Variants in USP32 observed in about 807,000 individuals in gnomAD.
The protein encoded by USP32 is ubiquitin carboxyl-terminal hydrolase 32.
Under a neutral mutation model 204.8 loss-of-function variants are expected in USP32, and 59 were observed. That is an observed-to-expected ratio of 0.29 (90% CI 0.23 to 0.36). USP32 has a LOEUF of 0.36. Among genes scored for constraint, USP32 ranks in the 10% least tolerant of loss-of-function variants. The pLI, the probability that USP32 is intolerant of heterozygous loss-of-function variation, is 1.00. For synonymous variants in USP32, 517 were observed against 678.4 expected (o/e 0.76, Z 3.70); for missense variants, 1,160 against 1,946.4 (o/e 0.60, Z 7.60).
In USP32 at chr17:60,264,871, AAAAAAAAAAAAG is replaced by A. The variant is rs1215437889; in HGVS notation, c.990+529_990+540del. Among the ~76,000 whole-genome samples, 6 of 151,252 alleles carry A rather than the reference AAAAAAAAAAAAG, an allele frequency of 4.0e-5. No individual in the cohort carries two copies. The East Asian group carries it at 1.2e-3, about 29-fold the overall frequency. The stretch of plus-strand genomic sequence containing the variant: ...CAAGACTCTGTCAAAAAAAAAAAAA[AAAAAAAAAAAAG>A]AGAGAGAGAATATATGTACTGCCAG... On this transcript the variant is annotated intron_variant, in intron 9 of 33. Transcript: ENST00000300896.
At chr17:60,342,424 C>T (rs1475641097) in intron 2 of USP32, among the ~76,000 whole-genome samples, 1 of 152,242 alleles carries the variant, frequency 6.6e-6, no homozygotes, top group African/African-American at 2.4e-5. Context: ...TCTCAGAGCT[C>T]AAATGCCATG....
At chr17:60,246,363 T>C (rs2086024293) in intron 11 of USP32, among the ~76,000 whole-genome samples, 1 of 152,102 alleles carries the variant, frequency 6.6e-6, no homozygotes, top group Non-Finnish European at 1.5e-5. Flanking sequence ...GCATTCATTT[T>C]ATGGCTGAAT....
At chr17:60,225,617 C>T (rs1275220482) in intron 13 of USP32, among the ~76,000 whole-genome samples, 1 of 152,010 alleles carries the variant, frequency 6.6e-6, no homozygotes, top group Non-Finnish European at 1.5e-5. Context: ...CTCCTATTAC[C>T]ATATTCACTA....
rs1339957333 is a variant in USP32, at chr17:60,319,447, GATAATAAATACGAGT to G, written c.187-17758_187-17744del. On this transcript the variant is annotated intron_variant, in intron 2 of 33. Transcript: ENST00000300896. ...CAGGGACTCAGATTAAGAATATTCAGATAATAAATACGAGTATAATAAACACTTAGATAGAAAGTA... is the reference window on the plus strand; with the variant it reads ...CAGGGACTCAGATTAAGAATATTCAGATAATAAACACTTAGATAGAAAGTA... 8.5e-5 allele frequency among the ~76,000 whole-genome samples: 13 copies of G among 152,122 alleles called. No homozygotes were observed. In the East Asian group the frequency reaches 2.5e-3, roughly 29 times the overall value.
At chr17:60,187,520 T>C (rs2084280235) in intron 29 of USP32, among the ~76,000 whole-genome samples, 1 of 152,246 alleles carries the variant, frequency 6.6e-6, no homozygotes, top group African/African-American at 2.4e-5. Flanking sequence ...GGGTGTATCA[T>C]ATACGGTAGT....
intron 1 of USP32, among the ~76,000 whole-genome samples, chr17:60,365,962 G>A (rs1267402597): frequency 6.6e-6 from 1 of 151,940 alleles, no homozygotes; most frequent in South Asian, 2.1e-4. Flanking sequence ...AGAGGGTCTC[G>A]CTCCCTTTTT....
At chr17:60,265,531 T>C in intron 8 of USP32, 57 bp from the exon 9 acceptor site, 1 of 1,164,128 alleles carries the variant, frequency 8.6e-7, no homozygotes, top group Non-Finnish European at 1.3e-6. Flanking sequence ...TTTAATTTTG[T>C]TATTCAATGG....
chr17:60,270,352 G>A (rs1394272365), intron 6 of USP32, among the ~76,000 whole-genome samples: 1 of 152,144 alleles, frequency 6.6e-6, no homozygotes, highest in African/African-American at 2.4e-5. Flanking sequence ...TATATTCCCA[G>A]AATCTAACGC....
At position 60,183,520 on chromosome 17, in the gene USP32, AAAC is replaced by A. The variant is rs1392039032; in HGVS notation, c.3835-70_3835-68del. The stretch of plus-strand genomic sequence containing the variant: ...TGAAGATACAAAATTTACATGGAAA[AAAC>A]AAGTCAAATACATGTGAATGTTTGG... On this transcript the variant is annotated intron_variant, in intron 30 of 33. Transcript: ENST00000300896. 66 of 1,497,568 alleles carry A rather than the reference AAAC, an allele frequency of 4.4e-5. 1 individual carries two copies. In the East Asian group the frequency reaches 1.4e-3, roughly 32 times the overall value. 92.8% of individuals were successfully genotyped at this position (1,497,568 alleles called of 1,614,324 possible). A position where few individuals can be genotyped will look rare whatever the true frequency, so the allele number is the denominator to read the frequency against.
At chr17:60,287,638 C>T (rs1218571925) in intron 5 of USP32, among the ~76,000 whole-genome samples, 1 of 152,190 alleles carries the variant, frequency 6.6e-6, no homozygotes, top group Non-Finnish European at 1.5e-5. Flanking sequence ...CTATAAACAT[C>T]TTGATTTCAG....
rs528039428 is a variant in USP32, at chr17:60,215,891, G to T, written c.1868-1117C>A. Among the ~76,000 whole-genome samples the T allele has an allele frequency of 6.2e-3, 950 of 152,086 alleles. 2 individuals carry two copies. Among genetic ancestry groups the T allele is most frequent in the Non-Finnish European group, 8.2e-3 (558 of 67,986 alleles). ...ACTTTAGCTTCCCAAGTAGAGACAG[G>T]GTCTCTCTATGTTGCCCAGGCTGGT... On this transcript the variant is annotated intron_variant, in intron 16 of 33. Coordinates refer to ENST00000300896, the MANE Select transcript of USP32 (RefSeq NM_032582.4).
chr17:60,384,557 C>T (rs1166686831), intron 1 of USP32, among the ~76,000 whole-genome samples: 8 of 152,160 alleles, frequency 5.3e-5, no homozygotes, highest in South Asian at 2.1e-4. Flanking sequence ...TTTGGGAGGC[C>T]GAGGCGGGCG....
intron 1 of USP32, among the ~76,000 whole-genome samples, chr17:60,410,904 C>A (rs924823531): frequency 1.3e-5 from 2 of 151,406 alleles, no homozygotes; most frequent in African/African-American, 4.9e-5. Flanking sequence ...CATGGTGAAG[C>A]CCCGTTTCTA....
At chr17:60,211,155 C>T (rs1311769308) in intron 20 of USP32, 37 bp from the exon 21 acceptor site, 3 of 1,601,536 alleles carry the variant, frequency 1.9e-6, no homozygotes, top group South Asian at 1.1e-5. Flanking sequence ...GCCAAAGATT[C>T]TCATAAATCA....
Position 60,278,719 on chromosome 17 carries a change from T to C in USP32, c.572-7238A>G, listed in dbSNP as rs982528123. ...AACAAAAAAAGTATAAAGATAACAG[T>C]TGAACCTGGAATAGCAGGCATTTCA... On this transcript the variant is annotated intron_variant, in intron 5 of 33. Coordinates refer to ENST00000300896, the MANE Select transcript of USP32 (RefSeq NM_032582.4). Among the ~76,000 whole-genome samples the C allele has an allele frequency of 3.3e-5, 5 of 152,188 alleles. No individual in the cohort carries two copies. In the East Asian group the frequency reaches 7.7e-4, roughly 23 times the overall value.
At position 60,294,422 on chromosome 17, in the gene USP32, G is replaced by A. The variant is rs568003859; in HGVS notation, c.411+261C>T. On this transcript the variant is annotated intron_variant, in intron 4 of 33. Coordinates refer to ENST00000300896, the MANE Select transcript of USP32 (RefSeq NM_032582.4). Reference sequence around the variant, plus strand: ...TGTGTGTGTGTGTATTACTGTGTTAGTGTGAGTATATAGAATTGTGTTTCA... The same window carrying A: ...TGTGTGTGTGTGTATTACTGTGTTAATGTGAGTATATAGAATTGTGTTTCA... Among the ~76,000 whole-genome samples the A allele has an allele frequency of 1.9e-4, 28 of 148,726 alleles. No homozygotes were observed. In the South Asian group the frequency reaches 4.8e-3, roughly 25 times the overall value.
chr17:60,250,645 G>A (rs2086142098), intron 11 of USP32, among the ~76,000 whole-genome samples: 1 of 152,146 alleles, frequency 6.6e-6, no homozygotes, highest in Admixed American at 6.5e-5. Flanking sequence ...TTCTGAGTAT[G>A]AATATTTAAA....
At position 60,216,079 on chromosome 17, in the gene USP32, GA is replaced by G. The variant is rs1264143453; in HGVS notation, c.1868-1306del. 3.6e-3 allele frequency among the ~76,000 whole-genome samples: 514 copies of G among 143,620 alleles called. 2 individuals carry two copies. The highest frequency in any genetic ancestry group is 0.01 in the African/African-American group (403 of 39,252). 94.2% of individuals were successfully genotyped at this position (143,620 alleles called of 152,430 possible). On this transcript the variant is annotated intron_variant, in intron 16 of 33. Coordinates refer to ENST00000300896, the MANE Select transcript of USP32 (RefSeq NM_032582.4). ...GCCAAATAAACAAGTGCCCAATAAG[GA>G]AAAAAAAAAAATCGTATTAGCCTGT...
rs1357804280 is a variant in USP32 at position 60,183,438 on chromosome 17, G to A, written c.3850C>T (p.Arg1284Ter). 2 of 1,604,618 alleles carry A rather than the reference G, an allele frequency of 1.2e-6. No homozygotes were observed. The highest frequency in any genetic ancestry group is 1.3e-5 in the African/African-American group (1 of 74,680). The change falls in exon 31 of 34, where the codon CGA becomes TGA. Residue 1284 changes from arginine to a stop codon, truncating the protein, a stop_gained. Transcript: ENST00000300896. LOFTEE classifies it high-confidence loss of function. The stretch of plus-strand genomic sequence containing the variant: ...CACCGACCATTTACAAATTGAAATC[G>A]CTTAAGGTGAATAATCTGGAGAAGT... ...LPPILIIHLK[R>*]FQFVNGRWIK...
Sources: allele counts gnomAD v4.1 joint callset (sites outside exome capture counted in the v4.1 genomes callset), GRCh38; gene constraint gnomAD v4.1.1; transcripts MANE v1.5; gene names NCBI Gene and HGNC (gene_info 2026-07-23, HGNC 2026-07-21).